The following TNIK variants were observed in gnomAD, a reference collection of about 807,000 sequenced individuals.
TNIK encodes the protein TRAF2 and NCK-interacting protein kinase.
A neutral mutation model predicts 191.3 loss-of-function variants in TNIK; 49 were observed. The ratio of observed to expected loss-of-function variants is 0.26; its 90% CI spans 0.20 to 0.32. TNIK has a LOEUF of 0.32. Among genes scored for constraint, TNIK ranks in the 10% least tolerant of loss-of-function variants. The pLI is 1.00. For missense variants in TNIK, 1,155 were observed against 1,702.3 expected (o/e 0.68, Z 5.66); for synonymous variants, 594 against 600.9 (o/e 0.99, Z 0.17).
intron 2 of TNIK, among the ~76,000 whole-genome samples, chr3:171,336,115 T>C (rs1278067073): frequency 6.6e-6 from 1 of 152,216 alleles, no homozygotes; most frequent in African/African-American, 2.4e-5. Flanking sequence ...AAATAAAATC[T>C]ACATTACTCA....
intron 1 of TNIK, among the ~76,000 whole-genome samples, chr3:171,450,645 T>C (rs1474007337): frequency 2.0e-5 from 3 of 152,228 alleles, no homozygotes; most frequent in African/African-American, 7.2e-5. Context: ...CCTTTACTTT[T>C]CATTTTAGCC....
At chr3:171,110,424 G>GTGAC (rs1725673157) in intron 19 of TNIK, among the ~76,000 whole-genome samples, 1 of 152,198 alleles carries the variant, frequency 6.6e-6, no homozygotes, top group Non-Finnish European at 1.5e-5. Context: ...AGAAATTCAG[G>GTGAC]TGACTGGTAA....
rs377582253 is a variant in TNIK, at chr3:171,218,373, CA to C, written c.181-7133del. Among the ~76,000 whole-genome samples the C allele has an allele frequency of 2.5e-3, 379 of 152,212 alleles. 1 individual carries two copies. The highest frequency in any genetic ancestry group is 8.4e-3 in the African/African-American group (348 of 41,536). ...GACTCCCAAGAAAACCACGAATTAA[CA>C]AGACCCAAACTCAAGTAACCCAGAA... On this transcript the variant is annotated intron_variant, in intron 3 of 32. Transcript: ENST00000436636.
chr3:171,201,007 G>C (rs1013011639), intron 4 of TNIK, among the ~76,000 whole-genome samples: 1 of 152,196 alleles, frequency 6.6e-6, no homozygotes, highest in South Asian at 2.1e-4. Flanking sequence ...GGTAAAAGGA[G>C]GGGTTGGAGG....
At chr3:171,354,458 C>CG (rs1311852677) in intron 2 of TNIK, among the ~76,000 whole-genome samples, 1 of 152,064 alleles carries the variant, frequency 6.6e-6, no homozygotes, top group African/African-American at 2.4e-5. Context: ...CAGCTTGTAG[C>CG]AGGACTCGGC....
At chr3:171,148,692 C>A (rs1731979429) in intron 12 of TNIK, among the ~76,000 whole-genome samples, 1 of 152,162 alleles carries the variant, frequency 6.6e-6, no homozygotes, top group Non-Finnish European at 1.5e-5. Context: ...AGAAAGGTTG[C>A]AGGAACTGGT....
intron 2 of TNIK, among the ~76,000 whole-genome samples, chr3:171,329,970 G>T (rs923131155): frequency 6.6e-6 from 1 of 152,180 alleles, no homozygotes; most frequent in African/African-American, 2.4e-5. Context: ...CAATGTCAAA[G>T]GTTGTCACAG....
intron 24 of TNIK, among the ~76,000 whole-genome samples, chr3:171,085,629 A>G (rs1721251743): frequency 6.6e-6 from 1 of 152,222 alleles, no homozygotes; most frequent in Non-Finnish European, 1.5e-5. Flanking sequence ...GGAAGCCTAT[A>G]CAGCAGTACT....
chr3:171,291,999 T>C (rs1406331512), intron 2 of TNIK, among the ~76,000 whole-genome samples: 2 of 152,244 alleles, frequency 1.3e-5, no homozygotes, highest in African/African-American at 4.8e-5. Context: ...TTACTTCTAC[T>C]GTGCTATTAA....
At chr3:171,443,976 A>G (rs867748734) in intron 1 of TNIK, among the ~76,000 whole-genome samples, 164 of 152,358 alleles carry the variant, frequency 1.1e-3, no homozygotes, top group African/African-American at 3.5e-3. Flanking sequence ...ATCTAGTCTG[A>G]TGATGATTGT....
At chr3:171,342,864 G>T (rs1447418696) in intron 2 of TNIK, among the ~76,000 whole-genome samples, 1 of 152,130 alleles carries the variant, frequency 6.6e-6, no homozygotes, top group Non-Finnish European at 1.5e-5. Flanking sequence ...TGAATCATGG[G>T]TGTTGGTTTT....
intron 7 of TNIK, 76 bp downstream of exon 7, chr3:171,188,626 T>G: frequency 6.5e-7 from 1 of 1,540,314 alleles, no homozygotes; most frequent in East Asian, 2.3e-5. Flanking sequence ...ATCATAAATA[T>G]AAGGGCATGT....
At chr3:171,261,735 C>T (rs1484418227) in intron 2 of TNIK, among the ~76,000 whole-genome samples, 1 of 152,120 alleles carries the variant, frequency 6.6e-6, no homozygotes, top group African/African-American at 2.4e-5. Flanking sequence ...GGTGTGGCTA[C>T]AGCAATGGGC....
At chr3:171,139,745 G>A (rs1186217700) in intron 13 of TNIK, among the ~76,000 whole-genome samples, 189 bp from the exon 14 acceptor site, 1 of 152,196 alleles carries the variant, frequency 6.6e-6, no homozygotes, top group Admixed American at 6.5e-5. Flanking sequence ...ATAATGAAAA[G>A]CACAAGCCCC....
At chr3:171,339,567 T>G (rs531203037) in intron 2 of TNIK, among the ~76,000 whole-genome samples, 15 of 152,200 alleles carry the variant, frequency 9.9e-5, no homozygotes, top group Non-Finnish European at 2.1e-4. Context: ...CCCAGCACAG[T>G]GCTGGTACAC....
At chr3:171,443,217 A>G (rs1727050084) in intron 1 of TNIK, among the ~76,000 whole-genome samples, 1 of 152,226 alleles carries the variant, frequency 6.6e-6, no homozygotes, top group African/African-American at 2.4e-5. Flanking sequence ...AGAGTAAGAC[A>G]CCAGCAACAG....
At chr3:171,123,310 A>C (rs1461527497) in intron 18 of TNIK, among the ~76,000 whole-genome samples, 2 of 152,188 alleles carry the variant, frequency 1.3e-5, no homozygotes, top group Admixed American at 6.5e-5. Context: ...CATATTTGCA[A>C]ATTTTACTCT....
chr3:171,351,277 G>GTGTGTGTGTA (rs1201381811), intron 2 of TNIK, among the ~76,000 whole-genome samples: 2 of 122,270 alleles, frequency 1.6e-5, no homozygotes, highest in African/African-American at 2.7e-5. Flanking sequence ...ATATATGTGT[G>GTGTGTGTGTA]TGTGTGTGTG....
At chr3:171,293,572 G>T (rs1577377416) in intron 2 of TNIK, among the ~76,000 whole-genome samples, 2 of 152,040 alleles carry the variant, frequency 1.3e-5, no homozygotes, top group East Asian at 1.9e-4. Context: ...TTCTAATAGT[G>T]GCTAGTTTCC....
Sources: allele counts gnomAD v4.1 joint callset (sites outside exome capture counted in the v4.1 genomes callset), GRCh38; gene constraint gnomAD v4.1.1; transcripts MANE v1.5; gene names NCBI Gene and HGNC (gene_info 2026-07-23, HGNC 2026-07-21).